TRAPPC12: variants seen among roughly 807,000 people sequenced by gnomAD.
TRAPPC12 encodes TPR repeat protein 15.
Under a neutral mutation model 69.2 loss-of-function variants are expected in TRAPPC12, and 61 were observed. The ratio of observed to expected loss-of-function variants is 0.88; its 90% CI spans 0.72 to 1.09. The LOEUF (loss-of-function observed/expected upper bound fraction) is 1.09. TRAPPC12 is among the 50% of genes least tolerant of loss of function. The probability of loss-of-function intolerance (pLI) is 0.00; values close to 1 mark genes in which losing one functional copy is unlikely to be tolerated. For missense variants in TRAPPC12, 1,101 were observed against 1,016.4 expected, an observed-to-expected ratio of 1.08 and a Z score of -1.13; for synonymous variants, 469 against 438.9, an observed-to-expected ratio of 1.07 and a Z score of -0.86.
chr2:3,402,583 G>A (rs370156976), intron 3 of TRAPPC12, among the ~76,000 whole-genome samples: 22 of 152,316 alleles, frequency 1.4e-4, no homozygotes, highest in East Asian at 9.6e-4. Flanking sequence ...GCTACAGAGC[G>A]AGACTCCGTC....
chr2:3,407,512 G>A (rs1268636777), intron 3 of TRAPPC12, among the ~76,000 whole-genome samples: 1 of 152,156 alleles, frequency 6.6e-6, no homozygotes, highest in African/African-American at 2.4e-5. Flanking sequence ...TTTAAAAATA[G>A]TTTCTTTGCT....
At chr2:3,430,661 TA>T (rs1266193904) in intron 5 of TRAPPC12, among the ~76,000 whole-genome samples, 9 of 152,396 alleles carry the variant, frequency 5.9e-5, no homozygotes, top group Admixed American at 3.9e-4. Flanking sequence ...AATTCTAGTT[TA>T]AAAATACAAA....
chr2:3,405,184 G>A (rs376459098), intron 3 of TRAPPC12, among the ~76,000 whole-genome samples: 2 of 145,876 alleles, frequency 1.4e-5, no homozygotes, highest in Non-Finnish European at 3.0e-5. Flanking sequence ...TTTTGGGGGG[G>A]TGGGGGGAAA....
chr2:3,409,997 G>C (rs1347170964), intron 3 of TRAPPC12, among the ~76,000 whole-genome samples: 3 of 152,092 alleles, frequency 2.0e-5, no homozygotes, highest in Non-Finnish European at 4.4e-5. Flanking sequence ...AGCCCTCTGC[G>C]CCTCCACCTG....
At chr2:3,443,059 AG>A (rs1285715076) in intron 5 of TRAPPC12, among the ~76,000 whole-genome samples, 1 of 152,254 alleles carries the variant, frequency 6.6e-6, no homozygotes, top group Non-Finnish European at 1.5e-5. Flanking sequence ...ATTAACAAAA[AG>A]TTGACCTTAC....
Position 3,408,022 on chromosome 2 carries a change from C to G in TRAPPC12, c.1164+6129C>G, listed in dbSNP as rs1300679200. Reference sequence around the variant, plus strand: ...CTGGTTCCTCCTGGCCGGTCGTCCCCTCTCCAGCATTTGTCCATTAAACAA... The same window carrying G: ...CTGGTTCCTCCTGGCCGGTCGTCCCGTCTCCAGCATTTGTCCATTAAACAA... On this transcript the variant is annotated intron_variant, in intron 3 of 11. Transcript: ENST00000324266. 2.6e-5 allele frequency among the ~76,000 whole-genome samples: 4 copies of G among 152,310 alleles called. No individual in the cohort carries two copies. In the East Asian group the frequency reaches 7.7e-4, roughly 29 times the overall value.
intron 9 of TRAPPC12, among the ~76,000 whole-genome samples, chr2:3,469,490 A>C (rs996452105): frequency 2.6e-5 from 4 of 152,248 alleles, no homozygotes; most frequent in African/African-American, 9.6e-5. Context: ...ATTCACGGAC[A>C]GTAGTACAGG....
At chr2:3,381,863 C>T (rs936335556) in intron 1 of TRAPPC12, among the ~76,000 whole-genome samples, 5 of 152,170 alleles carry the variant, frequency 3.3e-5, no homozygotes, top group Admixed American at 2.6e-4. Context: ...GTAGTTTGAC[C>T]AAATATGTTT....
chr2:3,394,639 G>C (rs866815451), intron 2 of TRAPPC12, among the ~76,000 whole-genome samples: 8 of 151,956 alleles, frequency 5.3e-5, no homozygotes, highest in Middle Eastern at 3.2e-3. Context: ...AAAAAAAAGG[G>C]GGGGGAGATC....
chr2:3,474,006 A>T (rs763258261), intron 9 of TRAPPC12, among the ~76,000 whole-genome samples: 1 of 152,164 alleles, frequency 6.6e-6, no homozygotes, highest in Non-Finnish European at 1.5e-5. Flanking sequence ...ACAGCCATGG[A>T]CTGCAGGACA....
intron 7 of TRAPPC12, 63 bp from the exon 8 acceptor site, chr2:3,460,200 A>T: frequency 1.2e-6 from 1 of 866,108 alleles, no homozygotes; most frequent in Non-Finnish European, 2.0e-6. Flanking sequence ...AGGACCCAGT[A>T]ATTGAGGGCT....
chr2:3,381,795 C>T (rs1364095057), intron 1 of TRAPPC12, among the ~76,000 whole-genome samples: 2 of 152,246 alleles, frequency 1.3e-5, no homozygotes, highest in Non-Finnish European at 1.5e-5. Context: ...GCTCTCCTGC[C>T]ATCACCTTCC....
intron 6 of TRAPPC12, among the ~76,000 whole-genome samples, chr2:3,453,955 A>T (rs531478084): frequency 1.3e-5 from 2 of 152,236 alleles, no homozygotes; most frequent in African/African-American, 4.8e-5. Context: ...TTTTCCTTTC[A>T]CTCATGGATG....
rs368380624 is a variant in TRAPPC12, at chr2:3,466,488, A to C, written c.1776+793A>C. On this transcript the variant is annotated intron_variant, in intron 9 of 11. Coordinates refer to ENST00000324266, the MANE Select transcript of TRAPPC12 (RefSeq NM_016030.6). ...GAGGTCTCCTGGTTAAGTGATATCC[A>C]GCTACAGGAGGCCACATAGATAATG... 1.8e-3 allele frequency: 761 copies of C among 431,556 alleles called. 12 individuals are homozygous for C. Among genetic ancestry groups the C allele is most frequent in the South Asian group, 0.013 (744 of 58,798 alleles). The allele number at this position is 431,556 out of a possible 1,614,324, so 26.7% of individuals were successfully genotyped here.
chr2:3,448,935 G>A (rs1372622484), intron 6 of TRAPPC12, among the ~76,000 whole-genome samples: 1 of 152,194 alleles, frequency 6.6e-6, no homozygotes, highest in Admixed American at 6.5e-5. Flanking sequence ...GTGTGTTTTA[G>A]ATTAGAACAG....
intron 2 of TRAPPC12, among the ~76,000 whole-genome samples, chr2:3,389,226 C>T (rs867957811): frequency 2.0e-5 from 3 of 152,222 alleles, no homozygotes; most frequent in Admixed American, 1.3e-4. Context: ...CCTCCGTGGT[C>T]GGCGATGCCC....
chr2:3,409,915 G>A (rs1044174385), intron 3 of TRAPPC12, among the ~76,000 whole-genome samples: 1 of 152,224 alleles, frequency 6.6e-6, no homozygotes, highest in Admixed American at 6.5e-5. Flanking sequence ...CCCCAGCTGA[G>A]GTGTGAGGCT....
chr2:3,475,191 A>G (rs1161795254), intron 9 of TRAPPC12, among the ~76,000 whole-genome samples: 3 of 152,172 alleles, frequency 2.0e-5, no homozygotes, highest in African/African-American at 7.2e-5. Flanking sequence ...CCTGGGCTCA[A>G]GAGATTCACC....
rs945333656 is a variant in TRAPPC12, at chr2:3,424,743, C to T, written c.1417+80C>T. On this transcript the variant is annotated intron_variant, in intron 5 of 11. Coordinates refer to ENST00000324266, the MANE Select transcript of TRAPPC12 (RefSeq NM_016030.6). ...CTTTGATTTATACATAATTTCGTAG[C>T]CTCAGTTTTCCTTATTTATCCAGTC... 4 of 1,388,054 alleles carry T rather than the reference C, an allele frequency of 2.9e-6. No individual in the cohort carries two copies. In the African/African-American group the frequency reaches 4.4e-5, roughly 15 times the overall value. The allele number at this position is 1,388,054 out of a possible 1,614,324, so 86.0% of individuals were successfully genotyped here.
Sources: allele counts gnomAD v4.1 joint callset (sites outside exome capture counted in the v4.1 genomes callset), GRCh38; gene constraint gnomAD v4.1.1; transcripts MANE v1.5; gene names NCBI Gene and HGNC (gene_info 2026-07-23, HGNC 2026-07-21).